The following DGKI variants were observed in gnomAD, a reference collection of about 807,000 sequenced individuals.
DGKI encodes the protein diacylglycerol kinase iota, also known as DAG kinase iota.
In DGKI, 55 loss-of-function variants were observed where a neutral mutation model predicts 147.5. The observed-to-expected ratio is 0.37, with a 90% CI of 0.30 to 0.47. DGKI has a LOEUF of 0.47. DGKI is among the 20% of genes least tolerant of loss of function. DGKI has a pLI of 1.00. For synonymous variants in DGKI, 469 were observed against 477.1 expected, an observed-to-expected ratio of 0.98 and a Z score of 0.22; for missense variants, 1,007 against 1,323.8, an observed-to-expected ratio of 0.76 and a Z score of 3.71.
At chr7:137,639,726 G>C (rs1055528786) in intron 6 of DGKI, among the ~76,000 whole-genome samples, 1 of 152,096 alleles carries the variant, frequency 6.6e-6, no homozygotes, top group Non-Finnish European at 1.5e-5. Flanking sequence ...GCGATGACCA[G>C]GATAGTGACC....
At chr7:137,559,313 T>C (rs1723104) in intron 19 of DGKI, among the ~76,000 whole-genome samples, 16,487 of 150,832 alleles carry the variant, frequency 0.11, 2,019 homozygotes, top group African/African-American at 0.3. Context: ...CCTCGTGATC[T>C]GCCCGCCTCG....
At chr7:137,392,183 G>A (rs1554394505) in intron 32 of DGKI, among the ~76,000 whole-genome samples, 9 of 151,820 alleles carry the variant, frequency 5.9e-5, no homozygotes, top group Non-Finnish European at 2.9e-5. Context: ...ATTTCTTACA[G>A]ACTACTATAA....
chr7:137,556,749 T>C (rs909285162), intron 19 of DGKI, among the ~76,000 whole-genome samples: 5 of 152,216 alleles, frequency 3.3e-5, no homozygotes, highest in African/African-American at 1.2e-4. Context: ...TTTCCAAAAT[T>C]AATGTACCAA....
rs1230942937 is a variant in DGKI, at chr7:137,739,596, A to C, written c.402-49594T>G. On this transcript the variant is annotated intron_variant, in intron 1 of 32. Coordinates refer to ENST00000614521, the MANE Select transcript of DGKI (RefSeq NM_001321708.2). ...CTAATTTCCCATGGGTCTTCCTTAG[A>C]TAGCCTTTCTCCAATGGGAAGAACA... 2.6e-5 allele frequency among the ~76,000 whole-genome samples: 4 copies of C among 152,126 alleles called. No individual in the cohort carries two copies. In the East Asian group the frequency reaches 5.8e-4, roughly 22 times the overall value.
At chr7:137,700,032 G>C (rs1304132688) in intron 1 of DGKI, among the ~76,000 whole-genome samples, 1 of 152,202 alleles carries the variant, frequency 6.6e-6, no homozygotes, top group African/African-American at 2.4e-5. Context: ...GAGTGCCATA[G>C]ATATAATGGG....
At chr7:137,587,777 T>TA (rs1051217884) in intron 12 of DGKI, among the ~76,000 whole-genome samples, 2 of 152,204 alleles carry the variant, frequency 1.3e-5, no homozygotes, top group African/African-American at 4.8e-5. Flanking sequence ...TGGAAATTGA[T>TA]AGTGTTTTCC....
At chr7:137,474,122 A>ATTTT (rs139503009) in intron 23 of DGKI, among the ~76,000 whole-genome samples, 3,403 of 152,280 alleles carry the variant, frequency 0.022, 127 homozygotes, top group African/African-American at 0.078. Flanking sequence ...CTACGTTAAA[A>ATTTT]GTCATTTGAA....
At chr7:137,580,486 A>G (rs1819149704) in intron 15 of DGKI, among the ~76,000 whole-genome samples, 1 of 152,066 alleles carries the variant, frequency 6.6e-6, no homozygotes, top group Non-Finnish European at 1.5e-5. Flanking sequence ...CATGCCTTCT[A>G]GCTGTGATTT....
chr7:137,576,882 C>G (rs184465352), intron 17 of DGKI, among the ~76,000 whole-genome samples: 1 of 152,186 alleles, frequency 6.6e-6, no homozygotes, highest in Middle Eastern at 3.2e-3. Context: ...GTCTTCCTGA[C>G]CCCACCATAG....
intron 1 of DGKI, among the ~76,000 whole-genome samples, chr7:137,825,713 CACAT>C (rs1185725357): frequency 4.0e-5 from 6 of 151,708 alleles, no homozygotes; most frequent in African/African-American, 1.5e-4. Flanking sequence ...TACACTCACA[CACAT>C]ACACACACAC....
intron 19 of DGKI, among the ~76,000 whole-genome samples, chr7:137,565,920 C>G (rs531006741): frequency 6.6e-6 from 1 of 152,168 alleles, no homozygotes; most frequent in South Asian, 2.1e-4. Flanking sequence ...TTTGCAATTA[C>G]AAGATAAAGA....
intron 1 of DGKI, among the ~76,000 whole-genome samples, chr7:137,724,117 C>A (rs1328993757): frequency 6.6e-6 from 1 of 152,004 alleles, no homozygotes; most frequent in Non-Finnish European, 1.5e-5. Context: ...GAAGAACATT[C>A]CAGACAAAGG....
chr7:137,768,082 A>G (rs1359455178), intron 1 of DGKI, among the ~76,000 whole-genome samples: 1 of 152,196 alleles, frequency 6.6e-6, no homozygotes, highest in African/African-American at 2.4e-5. Context: ...TGATCTACAT[A>G]TATGAGGAAG....
intron 1 of DGKI, among the ~76,000 whole-genome samples, chr7:137,824,676 G>T (rs928054586): frequency 6.6e-6 from 1 of 152,014 alleles, no homozygotes; most frequent in African/African-American, 2.4e-5. Flanking sequence ...TAAGCCTAGT[G>T]CCCACTATTT....
chr7:137,659,246 G>C (rs1164048265), intron 3 of DGKI, among the ~76,000 whole-genome samples: 1 of 152,168 alleles, frequency 6.6e-6, no homozygotes, highest in African/African-American at 2.4e-5. Flanking sequence ...GTAAAATTAA[G>C]TAAATAAATT....
intron 2 of DGKI, 81 bp downstream of exon 2, chr7:137,689,813 C>G (rs1454917295): frequency 2.0e-6 from 2 of 999,556 alleles, no homozygotes; most frequent in Non-Finnish European, 1.4e-6. Context: ...GCAAGTCTTC[C>G]TTGTAACTAG....
intron 19 of DGKI, among the ~76,000 whole-genome samples, chr7:137,561,744 A>G (rs1430067824): frequency 6.6e-6 from 1 of 152,154 alleles, no homozygotes; most frequent in Non-Finnish European, 1.5e-5. Context: ...ATAAAGAGAA[A>G]ATCTCAAGAA....
At chr7:137,580,576 C>T (rs571916683) in intron 15 of DGKI, among the ~76,000 whole-genome samples, 16 of 152,206 alleles carry the variant, frequency 1.1e-4, no homozygotes, top group African/African-American at 3.6e-4. Flanking sequence ...AGAATTTGAC[C>T]TTTACAGAGC....
intron 28 of DGKI, among the ~76,000 whole-genome samples, chr7:137,414,230 G>A (rs1432829900): frequency 2.6e-5 from 4 of 152,172 alleles, no homozygotes; most frequent in Non-Finnish European, 4.4e-5. Context: ...CCTGGGCTGA[G>A]TGCCTTCCCT....
Sources: allele counts gnomAD v4.1 joint callset (sites outside exome capture counted in the v4.1 genomes callset), GRCh38; gene constraint gnomAD v4.1.1; transcripts MANE v1.5; gene names NCBI Gene and HGNC (gene_info 2026-07-23, HGNC 2026-07-21).